Variants in PKD1 observed in about 807,000 individuals in gnomAD.
The protein encoded by PKD1 is polycystin-1.
Under a neutral mutation model 361.7 loss-of-function variants are expected in PKD1, and 81 were observed. That is an observed-to-expected ratio of 0.22 (90% CI 0.19 to 0.27). The LOEUF (loss-of-function observed/expected upper bound fraction) is 0.27, where lower values mean the gene tolerates loss of function less well. Ranked by LOEUF, PKD1 falls within the 10% of genes least tolerant of loss-of-function variation. The pLI is 1.00. For synonymous variants in PKD1, 3,615 were observed against 2,818.3 expected (o/e 1.28, Z -8.95); for missense variants, 6,399 against 6,118.3 (o/e 1.05, Z -1.53).
Position 2,103,897 on chromosome 16 carries a change from T to A in PKD1, c.8162-2A>T. ...AGCTGGCCAGGTGGATGAGGTCTCC[T>A]GCAGACATGCGTGAGGTCAGTGCAG... On this transcript the variant is annotated splice_acceptor_variant, in intron 22 of 45. Coordinates refer to ENST00000262304, the MANE Select transcript of PKD1 (RefSeq NM_001009944.3). LOFTEE classifies it high-confidence loss of function. 1 of 1,509,928 alleles carries A rather than the reference T, an allele frequency of 6.6e-7. No homozygotes were observed. Among genetic ancestry groups the A allele is most frequent in the Non-Finnish European group, 8.8e-7 (1 of 1,130,628 alleles). 93.5% of individuals were successfully genotyped at this position (1,509,928 alleles called of 1,614,324 possible).
Position 2,109,498 on chromosome 16 carries a change from A to C in PKD1, c.5669T>G (p.Leu1890Arg). Residue 1890 changes from leucine to arginine, a missense_variant, in exon 15 of 46, where the codon CTG becomes CGG. Coordinates refer to ENST00000262304, the MANE Select transcript of PKD1 (RefSeq NM_001009944.3). Reference protein sequence around the residue: ...NLTAEEPIVGLVLWASSKVVA... With the variant: ...NLTAEEPIVGRVLWASSKVVA... ...CACCTTGCTGCTGGCCCACAGCACCAGGCCCACGATGGGCTCCTCCGCCGT... is the reference window on the plus strand; with the variant it reads ...CACCTTGCTGCTGGCCCACAGCACCCGGCCCACGATGGGCTCCTCCGCCGT... The C allele has an allele frequency of 6.2e-7, 1 of 1,609,842 alleles. No individual in the cohort carries two copies. The highest frequency in any genetic ancestry group is 8.5e-7 in the Non-Finnish European group (1 of 1,179,296).
chr16:2,113,511 T>C (rs2092573288), intron 11 of PKD1, among the ~76,000 whole-genome samples: 2 of 152,106 alleles, frequency 1.3e-5, no homozygotes, highest in Non-Finnish European at 2.9e-5. Flanking sequence ...CCTCAACCTC[T>C]CTGTGCCTCA....
rs749884546 is a variant in PKD1 at position 2,089,721 on chromosome 16, G to A, written c.*6C>T. 2.5e-5 allele frequency: 39 copies of A among 1,576,764 alleles called. No homozygotes were observed. The highest frequency in any genetic ancestry group is 2.3e-4 in the African/African-American group (17 of 74,504). ...CTCCACGGCCCACCCCCGCCAGGAA[G>A]GAGGACTAAGTGCTGCTGGGGTGGA... On this transcript the variant is annotated 3_prime_UTR_variant, in exon 46 of 46. Transcript: ENST00000262304.
In PKD1 at chr16:2,110,781, C is replaced by T. The variant is rs770199582; in HGVS notation, c.4386G>A (p.Val1462=). ...TGCTGGTGACCAGCACGGGCTCCTGCACCTCCACCAGGGCTGAGTCATTGG... is the reference window on the plus strand; with the variant it reads ...TGCTGGTGACCAGCACGGGCTCCTGTACCTCCACCAGGGCTGAGTCATTGG... ...SAANDSALVE[V]QEPVLVTSIK... Residue 1462 remains valine, a synonymous_variant, in exon 15 of 46, where the codon GTG becomes GTA. Coordinates refer to ENST00000262304, the MANE Select transcript of PKD1 (RefSeq NM_001009944.3). 1.2e-6 allele frequency: 2 copies of T among 1,611,066 alleles called. No homozygotes were observed. Among genetic ancestry groups the T allele is most frequent in the Middle Eastern group, 2.1e-4 (1 of 4,720 alleles).
rs191155916 is a variant in PKD1, at chr16:2,100,776, G to A, written c.9398-210C>T. ...CCTCAAGGACATGATTAAGTTACAT[G>A]GAAAGAACTGTAACTTGTGACATGC... On this transcript the variant is annotated intron_variant, in intron 26 of 45. Coordinates refer to ENST00000262304, the MANE Select transcript of PKD1 (RefSeq NM_001009944.3). The surrounding 1 kb of genome is among the most constrained non-coding windows in gnomAD (Gnocchi z 4.4). The A allele has an allele frequency of 1.0e-4, 62 of 594,692 alleles. No individual in the cohort carries two copies. Among genetic ancestry groups the A allele is most frequent in the African/African-American group, 9.5e-4 (51 of 53,924 alleles). 36.8% of individuals were successfully genotyped at this position (594,692 alleles called of 1,614,324 possible). A position where few individuals can be genotyped will look rare whatever the true frequency, so the allele number is the denominator to read the frequency against.
chr16:2,096,983 G>A lies in PKD1; in HGVS notation c.10499+165C>T, dbSNP rs188989557. 154 of 634,524 alleles carry A rather than the reference G, an allele frequency of 2.4e-4. No homozygotes were observed. In the African/African-American group the frequency reaches 2.5e-3, roughly 10 times the overall value. 39.3% of individuals were successfully genotyped at this position (634,524 alleles called of 1,614,324 possible). A position where few individuals can be genotyped will look rare whatever the true frequency, so the allele number is the denominator to read the frequency against. On this transcript the variant is annotated intron_variant, in intron 34 of 45. Coordinates refer to ENST00000262304, the MANE Select transcript of PKD1 (RefSeq NM_001009944.3). Reference sequence around the variant, plus strand: ...TTCTGGGGCCCTGGGGATCCCATGAGGCTCTTTCCACAGACAACAGAGGTT... The same window carrying A: ...TTCTGGGGCCCTGGGGATCCCATGAAGCTCTTTCCACAGACAACAGAGGTT...
Position 2,103,768 on chromosome 16 carries a change from G to C in PKD1, c.8289C>G (p.Leu2763=), listed in dbSNP as rs550998414. Residue 2763 remains leucine (L), a synonymous_variant, in exon 23 of 46, where the codon CTC becomes CTG. Transcript: ENST00000262304. ...YNLTSALMRI[L]MRSRVLNEEP... ...CCTCGTTGAGCACGCGGGAGCGCAT[G>C]AGGATGCGCATGAGGGCAGAGGTCA... 3 of 1,609,834 alleles carry C rather than the reference G, an allele frequency of 1.9e-6. No homozygotes were observed. Among genetic ancestry groups the C allele is most frequent in the Non-Finnish European group, 2.5e-6 (3 of 1,179,592 alleles).
chr16:2,103,754 A>G lies in PKD1; in HGVS notation c.8303T>C (p.Val2768Ala). The G allele has an allele frequency of 1.2e-6, 2 of 1,609,908 alleles. No individual in the cohort carries two copies. Among genetic ancestry groups the G allele is most frequent in the Non-Finnish European group, 1.7e-6 (2 of 1,179,618 alleles). The stretch of plus-strand genomic sequence containing the variant: ...CAGCGTCAGGGGCTCCTCGTTGAGC[A>G]CGCGGGAGCGCATGAGGATGCGCAT... ...ALMRILMRSR[V>A]LNEEPLTLAG... The change falls in exon 23 of 46, where the codon GTG becomes GCG. Residue 2768 changes from valine (V) to alanine (A), a missense_variant. Val to Ala is a moderately conservative substitution (Grantham distance 64). Coordinates refer to ENST00000262304, the MANE Select transcript of PKD1 (RefSeq NM_001009944.3).
Position 2,106,210 on chromosome 16 carries a change from G to A in PKD1, c.7584C>T (p.Tyr2528=), listed in dbSNP as rs1483612087. The A allele has an allele frequency of 9.9e-6, 16 of 1,610,110 alleles. No homozygotes were observed. Among genetic ancestry groups the A allele is most frequent in the Non-Finnish European group, 1.3e-5 (15 of 1,179,562 alleles). ...RQGHCEEFCV[Y]KGSLSSYGAV... is the part of the protein sequence containing the mutation. The stretch of plus-strand genomic sequence containing the variant: ...CTCCGTAGCTGGAGAGGCTGCCCTT[G>A]TAGACACAGAACTCCTCGCAGTGGC... The change falls in exon 19 of 46, where the codon TAC becomes TAT. Residue 2528 remains tyrosine (Y), a synonymous_variant. Transcript: ENST00000262304. The surrounding 1 kb of genome is among the most constrained non-coding windows in gnomAD (Gnocchi z 6.5).
intron 1 of PKD1, chr16:2,135,123 G>T: frequency 1.0e-6 from 1 of 977,480 alleles, no homozygotes; most frequent in Non-Finnish European, 1.2e-6. Flanking sequence ...GCCCCCTACA[G>T]CCATCCCCAC....
Position 2,122,671 on chromosome 16 carries a change from G to A in PKD1, c.216-3293C>T, listed in dbSNP as rs184756307. Among the ~76,000 whole-genome samples the A allele has an allele frequency of 1.8e-4, 28 of 152,354 alleles. No individual in the cohort carries two copies. The South Asian group carries it at 4.4e-3, about 24-fold the overall frequency. ...CATGCCCGAGGGGGAACACTGTGCC[G>A]TGAGGAACTGCAGTTAGACCTGAGG... On this transcript the variant is annotated intron_variant, in intron 1 of 45. Transcript: ENST00000262304.
intron 26 of PKD1, among the ~76,000 whole-genome samples, chr16:2,101,779 A>T (rs1414692538): frequency 1.3e-5 from 2 of 152,262 alleles, no homozygotes; most frequent in Non-Finnish European, 2.9e-5. Flanking sequence ...AGTCTCCCAC[A>T]GTGGTAGCGA....
chr16:2,089,069 CTG>C lies in PKD1; in HGVS notation c.*656_*657del. Reference sequence around the variant, plus strand: ...GGGGCAAGGGAGGATGACAAGGCCTCTGGGGTGATGAGAGTGCCTGGCAGACA... The same window carrying C: ...GGGGCAAGGGAGGATGACAAGGCCTCGGGTGATGAGAGTGCCTGGCAGACA... On this transcript the variant is annotated 3_prime_UTR_variant, in exon 46 of 46. Transcript: ENST00000262304. 5.3e-6 allele frequency: 1 copy of C among 187,252 alleles called. No individual in the cohort carries two copies. Among genetic ancestry groups the C allele is most frequent in the Non-Finnish European group, 1.1e-5 (1 of 88,774 alleles). 11.6% of individuals were successfully genotyped at this position (187,252 alleles called of 1,614,324 possible).
At chr16:2,113,601 G>A (rs1447299425) in intron 11 of PKD1, among the ~76,000 whole-genome samples, 2 of 152,208 alleles carry the variant, frequency 1.3e-5, no homozygotes, top group Non-Finnish European at 2.9e-5. Context: ...CCCTCCCGGC[G>A]CTCTTGCCCC....
rs3865207 is a variant in PKD1, at chr16:2,097,770, A to G, written c.10178T>C (p.Val3393Ala). ...FSGLHAEQAFVGQMKSDLFLD... is the reference protein window; with the variant it reads ...FSGLHAEQAFAGQMKSDLFLD... ...AAACAAGTCACTCTTCATCTGTCCA[A>G]CAAAGGCCTGCTGAGAGGTGCACAG... The change falls in exon 32 of 46, where the codon GTT (valine) becomes GCT (alanine). Residue 3393 changes from valine (V) to alanine (A), a missense_variant. Coordinates refer to ENST00000262304, the MANE Select transcript of PKD1 (RefSeq NM_001009944.3). The G allele has an allele frequency of 3.7e-6, 6 of 1,611,256 alleles. No homozygotes were observed. Among genetic ancestry groups the G allele is most frequent in the African/African-American group, 1.3e-5 (1 of 74,838 alleles).
chr16:2,113,481 G>A (rs907495946), intron 11 of PKD1, 189 bp from the exon 12 acceptor site: 24 of 651,682 alleles, frequency 3.7e-5, no homozygotes, highest in Admixed American at 1.2e-4. Context: ...TCTCCAGCCA[G>A]CCATGTAGTA....
rs1168291610 is a variant in PKD1, at chr16:2,106,123, G to A, written c.7671C>T (p.Asp2557=). Residue 2557 remains aspartate, a synonymous_variant, in exon 19 of 46, where the codon GAC becomes GAT. Transcript: ENST00000262304. This position sits in a 1 kb window ranked among gnomAD's most constrained non-coding sequence, Gnocchi z 6.5. The stretch of plus-strand genomic sequence containing the variant: ...GGGCGACCACAGCGGCTCCCAGCTG[G>A]TCCTGCACCACCACGGCCAGGCCCA... ...FEVGLAVVVQ[D]QLGAAVVALN... is the part of the protein sequence containing the mutation. The A allele has an allele frequency of 6.2e-7, 1 of 1,605,532 alleles. No homozygotes were observed. Among genetic ancestry groups the A allele is most frequent in the Non-Finnish European group, 8.5e-7 (1 of 1,176,998 alleles).
In PKD1 at chr16:2,093,082, C is replaced by T. The variant is rs1018048893; in HGVS notation, c.11028G>A (p.Val3676=). The T allele has an allele frequency of 9.3e-6, 15 of 1,612,620 alleles. No homozygotes were observed. Among genetic ancestry groups the T allele is most frequent in the East Asian group, 8.9e-5 (4 of 44,896 alleles). ...RLHGMLRSLL[V]YMLFLLVTLL... ...GGGTCACCAGCAGAAAAAGCATGTA[C>T]ACCAGGAGGCTCTGGTGGACGGGGG... is the stretch of plus-strand genomic sequence containing the variant. Residue 3676 remains valine, a synonymous_variant, in exon 38 of 46, where the codon GTG becomes GTA. Transcript: ENST00000262304.
At chr16:2,096,103 CA>C (rs1288236113) in intron 34 of PKD1, among the ~76,000 whole-genome samples, 4 of 152,226 alleles carry the variant, frequency 2.6e-5, no homozygotes, top group African/African-American at 9.7e-5. Flanking sequence ...GATGTGGATG[CA>C]AAAGCAGCAG....
Sources: allele counts gnomAD v4.1 joint callset (sites outside exome capture counted in the v4.1 genomes callset), GRCh38; gene constraint gnomAD v4.1.1; non-coding constraint Gnocchi (gnomAD v3.1); transcripts MANE v1.5; gene names NCBI Gene and HGNC (gene_info 2026-07-23, HGNC 2026-07-21).